Variants in CNOT2 observed in about 807,000 individuals in gnomAD.
The protein encoded by CNOT2 is CCR4-NOT transcription complex subunit 2, also known as CC chemokine receptor 4-negative regulator of transcription 2.
In CNOT2, 7 loss-of-function variants were observed where a neutral mutation model predicts 72.1. That is an observed-to-expected ratio of 0.10 (90% CI 0.06 to 0.18). CNOT2 has a LOEUF of 0.18. Among genes scored for constraint, CNOT2 ranks in the 10% least tolerant of loss-of-function variants. The probability of loss-of-function intolerance (pLI) is 1.00; values close to 1 mark genes in which losing one functional copy is unlikely to be tolerated. For synonymous variants in CNOT2, 196 were observed against 225.6 expected, an observed-to-expected ratio of 0.87 and a Z score of 1.17; for missense variants, 345 against 660.3, an observed-to-expected ratio of 0.52 and a Z score of 5.23.
At chr12:70,281,994 A>G (rs910333897) in intron 2 of CNOT2, among the ~76,000 whole-genome samples, 1 of 152,172 alleles carries the variant, frequency 6.6e-6, no homozygotes, top group Non-Finnish European at 1.5e-5. Context: ...ATCGTATTAG[A>G]TAATACTGCT....
At chr12:70,269,824 T>G (rs969977495) in intron 1 of CNOT2, among the ~76,000 whole-genome samples, 14 of 152,170 alleles carry the variant, frequency 9.2e-5, no homozygotes, top group African/African-American at 3.4e-4. Flanking sequence ...GTCAAAAGAC[T>G]GAAGATTTAT....
At chr12:70,254,010 G>A (rs1958287599) in intron 1 of CNOT2, among the ~76,000 whole-genome samples, 2 of 152,046 alleles carry the variant, frequency 1.3e-5, no homozygotes, top group Non-Finnish European at 2.9e-5. Flanking sequence ...AGACCAAGGC[G>A]GGCAGATCAC....
intron 4 of CNOT2, among the ~76,000 whole-genome samples, chr12:70,321,078 A>G (rs1878222699): frequency 6.6e-6 from 1 of 151,930 alleles, no homozygotes. Context: ...AAAAGAAGCC[A>G]TGTATGGCAA....
intron 2 of CNOT2, among the ~76,000 whole-genome samples, chr12:70,293,475 T>C (rs1276176711): frequency 2.0e-5 from 3 of 152,238 alleles, no homozygotes; most frequent in Admixed American, 2.0e-4. Context: ...TCATATCTTA[T>C]TTAAATCCTA....
intron 2 of CNOT2, among the ~76,000 whole-genome samples, chr12:70,281,413 A>G (rs1321104731): frequency 6.6e-6 from 1 of 152,144 alleles, no homozygotes; most frequent in African/African-American, 2.4e-5. Flanking sequence ...TAACATATTC[A>G]AGCTTCTAAA....
At chr12:70,330,228 A>G (rs1197224854) in intron 5 of CNOT2, 59 bp from the exon 6 acceptor site, 1 of 770,136 alleles carries the variant, frequency 1.3e-6, no homozygotes, top group African/African-American at 1.8e-5. Context: ...GATTATTTAA[A>G]GAGAATTTTA....
chr12:70,267,725 A>G (rs1959120870), intron 1 of CNOT2, among the ~76,000 whole-genome samples: 1 of 152,262 alleles, frequency 6.6e-6, no homozygotes, highest in Non-Finnish European at 1.5e-5. Flanking sequence ...CAGTGAGGTC[A>G]CTTGCTTTCA....
intron 7 of CNOT2, chr12:70,334,795 A>G (rs1880441486): frequency 6.6e-6 from 1 of 152,146 alleles, no homozygotes; most frequent in Non-Finnish European, 1.5e-5. Context: ...GTAATAGGTA[A>G]TATAAACTTC....
intron 2 of CNOT2, among the ~76,000 whole-genome samples, chr12:70,305,878 T>TTG (rs1875251326): frequency 6.8e-6 from 1 of 147,560 alleles, no homozygotes; most frequent in African/African-American, 2.5e-5. Context: ...AGTTTGTTTT[T>TTG]TTTTTTTTTT....
chr12:70,298,825 C>T (rs955695376), intron 2 of CNOT2, among the ~76,000 whole-genome samples: 8 of 152,146 alleles, frequency 5.3e-5, no homozygotes, highest in Non-Finnish European at 2.9e-5. Flanking sequence ...GGTTACAAAA[C>T]ATCTTATAAG....
chr12:70,264,934 GT>G (rs1054355306), intron 1 of CNOT2, among the ~76,000 whole-genome samples: 7 of 151,514 alleles, frequency 4.6e-5, no homozygotes, highest in African/African-American at 9.7e-5. Flanking sequence ...CTCCAATTAT[GT>G]TTTTTTTCAT....
intron 13 of CNOT2, among the ~76,000 whole-genome samples, chr12:70,343,351 T>G (rs931559730): frequency 1.3e-5 from 2 of 152,204 alleles, no homozygotes; most frequent in Admixed American, 6.5e-5. Flanking sequence ...AATGTTGTTT[T>G]GGGACACTTT....
chr12:70,274,456 G>T (rs1219666312), intron 1 of CNOT2, among the ~76,000 whole-genome samples: 2 of 151,976 alleles, frequency 1.3e-5, no homozygotes, highest in African/African-American at 4.8e-5. Context: ...TGTTCAGCTG[G>T]TTCAGCTGTC....
intron 2 of CNOT2, among the ~76,000 whole-genome samples, chr12:70,307,446 A>C (rs1057205964): frequency 6.6e-6 from 1 of 152,108 alleles, no homozygotes; most frequent in Admixed American, 6.6e-5. Context: ...GCTTAGGTCT[A>C]TCAAGGCATC....
At chr12:70,266,189 C>A (rs1220098052) in intron 1 of CNOT2, among the ~76,000 whole-genome samples, 3 of 151,836 alleles carry the variant, frequency 2.0e-5, no homozygotes, top group Non-Finnish European at 4.4e-5. Flanking sequence ...TCACCACAAC[C>A]TCCACCTCTG....
rs994125081 is a variant in CNOT2 at position 70,294,347 on chromosome 12, T to C, written c.48+16073T>C. 6.4e-6 allele frequency: 8 copies of C among 1,240,978 alleles called. No individual in the cohort carries two copies. The African/African-American group carries it at 1.1e-4, about 17-fold the overall frequency. The allele number at this position is 1,240,978 out of a possible 1,614,324, so 76.9% of individuals were successfully genotyped here. A position where few individuals can be genotyped will look rare whatever the true frequency, so the allele number is the denominator to read the frequency against. ...GAAAAATGGTACTGTCATCAGTATTTTGAGGGTGGATGTTGGGCCATTTTA... is the reference window on the plus strand; with the variant it reads ...GAAAAATGGTACTGTCATCAGTATTCTGAGGGTGGATGTTGGGCCATTTTA... On this transcript the variant is annotated intron_variant, in intron 2 of 15. Transcript: ENST00000229195.
At chr12:70,330,506 C>G (rs534070194) in intron 6 of CNOT2, 37 bp downstream of exon 6, 1 of 1,469,662 alleles carries the variant, frequency 6.8e-7, no homozygotes, top group Non-Finnish European at 9.4e-7. Flanking sequence ...AATTGTCTTT[C>G]TGGGTATACT....
intron 2 of CNOT2, among the ~76,000 whole-genome samples, chr12:70,300,503 C>T (rs1160488376): frequency 6.6e-6 from 1 of 152,138 alleles, no homozygotes; most frequent in Non-Finnish European, 1.5e-5. Context: ...TTGTTTTTGT[C>T]AGGTTTGTCA....
intron 3 of CNOT2, among the ~76,000 whole-genome samples, chr12:70,313,004 TC>T (rs925195146): frequency 8.6e-5 from 13 of 152,020 alleles, no homozygotes; most frequent in African/African-American, 2.9e-4. Flanking sequence ...AGACATATTT[TC>T]CATCAAAAAG....
Sources: allele counts gnomAD v4.1 joint callset (sites outside exome capture counted in the v4.1 genomes callset), GRCh38; gene constraint gnomAD v4.1.1; transcripts MANE v1.5; gene names NCBI Gene and HGNC (gene_info 2026-07-23, HGNC 2026-07-21).